Variants in CELSR2 observed in about 807,000 individuals in gnomAD.
CELSR2 encodes the protein EGF-like protein 2.
A neutral mutation model predicts 251.6 loss-of-function variants in CELSR2; 81 were observed. The observed-to-expected ratio is 0.32, with a 90% CI of 0.27 to 0.39. The LOEUF is 0.39. CELSR2 is among the 10% of genes least tolerant of loss of function. The pLI, the probability that CELSR2 is intolerant of heterozygous loss-of-function variation, is 1.00. For synonymous variants in CELSR2, 1,721 were observed against 1,670.5 expected (o/e 1.03, Z -0.74); for missense variants, 3,365 against 3,947.7 (o/e 0.85, Z 3.96).
intron 13 of CELSR2, 82 bp downstream of exon 13, chr1:109,265,393 G>C (rs1157039780): frequency 7.0e-7 from 1 of 1,437,396 alleles, no homozygotes; most frequent in African/African-American, 1.4e-5. Context: ...AGGCTGTAGG[G>C]ATGGGTCTTC....
chr1:109,260,981 G>T (rs1656003885), intron 2 of CELSR2, 61 bp from the exon 3 acceptor site: 2 of 1,320,390 alleles, frequency 1.5e-6, no homozygotes, highest in Admixed American at 1.8e-5. Flanking sequence ...GGTTGTGGGG[G>T]GTCTCAGTTC....
At position 109,261,177 on chromosome 1, in the gene CELSR2, G is replaced by T; in HGVS notation, c.4094G>T (p.Cys1365Phe). 6.2e-7 allele frequency: 1 copy of T among 1,614,172 alleles called. No homozygotes were observed. The highest frequency in any genetic ancestry group is 8.5e-7 in the Non-Finnish European group (1 of 1,180,030). Residue 1365 changes from cysteine to phenylalanine, a missense_variant, in exon 3 of 34, where the codon TGC (cysteine) becomes TTC (phenylalanine). Cys to Phe is a radical substitution (Grantham distance 205). This residue lies in a region of CELSR2 where 2,093 missense variants were observed against 2,382.8 expected (regional missense o/e 0.88). Coordinates refer to ENST00000271332, the MANE Select transcript of CELSR2 (RefSeq NM_001408.3). The surrounding 1 kb of genome is among the most constrained non-coding windows in gnomAD (Gnocchi z 4.8). ...CPSGDFEKPY[C>F]QVTTRSFPAH... ...TCTGGAGACTTCGAGAAGCCCTACT[G>T]CCAGGTGACCACGCGCAGCTTCCCC...
In CELSR2 at chr1:109,267,985, C is replaced by T; in HGVS notation, c.6243C>T (p.Ala2081=). ...ACGTCAAGGTGGCCTACCAGCTGGC[C>T]ACGCGGCTGCTGGCCCACGAGAGCA... ...GSDVKVAYQL[A]TRLLAHESTQ... The change falls in exon 17 of 34, where the codon GCC becomes GCT. Residue 2081 remains alanine, a synonymous_variant. Coordinates refer to ENST00000271332, the MANE Select transcript of CELSR2 (RefSeq NM_001408.3). 1.9e-6 allele frequency: 3 copies of T among 1,610,924 alleles called. No homozygotes were observed. Among genetic ancestry groups the T allele is most frequent in the African/African-American group, 2.7e-5 (2 of 75,046 alleles).
At chr1:109,262,547 C>T (rs572309548) in intron 6 of CELSR2, 103 bp downstream of exon 6, 15 of 1,471,158 alleles carry the variant, frequency 1.0e-5, no homozygotes, top group Middle Eastern at 4.9e-4. Context: ...CCCTTTGCCT[C>T]TCTTAGCCCC....
intron 23 of CELSR2, 35 bp from the exon 24 acceptor site, chr1:109,270,391 C>A (rs776398626): frequency 6.2e-7 from 1 of 1,610,696 alleles, no homozygotes; most frequent in Non-Finnish European, 8.5e-7. Context: ...CTGGGCGGGC[C>A]CCGGTCGCTG....
Position 109,252,020 on chromosome 1 carries a change from C to T in CELSR2, c.1941C>T (p.Ile647=). Residue 647 remains isoleucine, a synonymous_variant, in exon 1 of 34, where the codon ATC becomes ATT. Transcript: ENST00000271332. This position sits in a 1 kb window ranked among gnomAD's most constrained non-coding sequence, Gnocchi z 4.8. The stretch of plus-strand genomic sequence containing the variant: ...CTCATAGTGTCATCACCTACCAGAT[C>T]ACCAGTGGCAATACTCGAAACCGCT... ...RDAHSVITYQ[I]TSGNTRNRFS... is the part of the protein sequence containing the mutation. 4 of 1,614,134 alleles carry T rather than the reference C, an allele frequency of 2.5e-6. No homozygotes were observed. Among genetic ancestry groups the T allele is most frequent in the Non-Finnish European group, 3.4e-6 (4 of 1,180,034 alleles).
At position 109,261,086 on chromosome 1, in the gene CELSR2, G is replaced by T; in HGVS notation, c.4003G>T (p.Gly1335Cys). ...VSARSGRCTP[G>C]VCKNGGTCVN... ...TGCTCGCTCAGGCCGTTGCACCCCG[G>T]GTGTCTGCAAGAATGGGGGCACCTG... The change falls in exon 3 of 34, where the codon GGT becomes TGT. Residue 1335 changes from glycine to cysteine, a missense_variant. Gly to Cys is a radical substitution (Grantham distance 159). Transcript: ENST00000271332. This position sits in a 1 kb window ranked among gnomAD's most constrained non-coding sequence, Gnocchi z 4.8. 1 of 1,614,064 alleles carries T rather than the reference G, an allele frequency of 6.2e-7. No homozygotes were observed. The highest frequency in any genetic ancestry group is 8.5e-7 in the Non-Finnish European group (1 of 1,179,974).
chr1:109,252,711 AGGCTGGAT>A lies in CELSR2; in HGVS notation c.2633_2640del (p.Arg878ThrfsTer36). ...GTCAGGCATCGTGCGAACGCTACGGAGGCTGGATCGAGAGAACGTGGCCCAGTATGTCT... is the reference window on the plus strand; with the variant it reads ...GTCAGGCATCGTGCGAACGCTACGGACGAGAGAACGTGGCCCAGTATGTCT... On this transcript the variant is annotated frameshift_variant, in exon 1 of 34. Coordinates refer to ENST00000271332, the MANE Select transcript of CELSR2 (RefSeq NM_001408.3). LOFTEE classifies it high-confidence loss of function. This position sits in a 1 kb window ranked among gnomAD's most constrained non-coding sequence, Gnocchi z 4.8. The A allele has an allele frequency of 6.2e-7, 1 of 1,614,028 alleles. No individual in the cohort carries two copies. Among genetic ancestry groups the A allele is most frequent in the Non-Finnish European group, 8.5e-7 (1 of 1,180,038 alleles).
rs781038954 is a variant in CELSR2 at position 109,264,929 on chromosome 1, G to C, written c.5526G>C (p.Val1842=). 1 of 1,614,202 alleles carries C rather than the reference G, an allele frequency of 6.2e-7. No individual in the cohort carries two copies. The highest frequency in any genetic ancestry group is 8.5e-7 in the Non-Finnish European group (1 of 1,180,032). ...TGAACCCGTGTGAGCACCAGTCTGT[G>C]TGTACCCGCAAGCCCAGTGCCCCCC... ...CDLNPCEHQS[V]CTRKPSAPHG... Residue 1842 remains valine, a synonymous_variant, in exon 12 of 34, where the codon GTG becomes GTC. Transcript: ENST00000271332.
chr1:109,272,879 G>C lies in CELSR2; in HGVS notation c.8190G>C (p.Gln2730His). ...SDSDLSLEDD[Q>H]SGSYASTHSS... Reference sequence around the variant, plus strand: ...GTGACCTGTCCTTAGAAGACGACCAGAGTGGCTCCTATGCCTCTACCCACT... The same window carrying C: ...GTGACCTGTCCTTAGAAGACGACCACAGTGGCTCCTATGCCTCTACCCACT... Residue 2730 changes from glutamine (Q) to histidine (H), a missense_variant, in exon 31 of 34, where the codon CAG becomes CAC. Gln to His is a conservative substitution (Grantham distance 24). Around this residue, in one of 5 missense-constraint regions of CELSR2, gnomAD observed 2,093 missense variants for 2,382.8 expected, o/e 0.88. Coordinates refer to ENST00000271332, the MANE Select transcript of CELSR2 (RefSeq NM_001408.3). 6.2e-7 allele frequency: 1 copy of C among 1,614,056 alleles called. No homozygotes were observed. Among genetic ancestry groups the C allele is most frequent in the Non-Finnish European group, 8.5e-7 (1 of 1,179,996 alleles).
chr1:109,263,802 C>T lies in CELSR2; in HGVS notation c.5001+25C>T, dbSNP rs1656102692. The T allele has an allele frequency of 1.9e-6, 3 of 1,606,730 alleles. No individual in the cohort carries two copies. In the African/African-American group the frequency reaches 4.0e-5, roughly 21 times the overall value. On this transcript the variant is annotated intron_variant, in intron 9 of 33. Transcript: ENST00000271332. ...GGTGATGCATGGAAGGGCGGCTGGC[C>T]CTGGCCTGGCCATAGGGCCCTGGTA...
chr1:109,259,175 C>A, intron 2 of CELSR2, 96 bp downstream of exon 2: 1 of 1,099,940 alleles, frequency 9.1e-7, no homozygotes. Flanking sequence ...GCCTCATTCT[C>A]TTCCCGAGTG....
At position 109,270,537 on chromosome 1, in the gene CELSR2, G is replaced by A. The variant is rs769442110; in HGVS notation, c.7420G>A (p.Val2474Ile). ...LYRALTEVRD[V>I]NTGPMRFYYM... is the part of the protein sequence containing the mutation. ...CCGGGCACTCACTGAGGTGCGCGAT[G>A]TCAACACCGGCCCCATGCGCTTCTA... Residue 2474 changes from valine (V) to isoleucine (I), a missense_variant, in exon 24 of 34, where the codon GTC (valine) becomes ATC (isoleucine). This residue lies in a region of CELSR2 where 2,093 missense variants were observed against 2,382.8 expected (regional missense o/e 0.88). Transcript: ENST00000271332. 7.4e-6 allele frequency: 12 copies of A among 1,614,074 alleles called. No individual in the cohort carries two copies. The highest frequency in any genetic ancestry group is 1.0e-5 in the Non-Finnish European group (12 of 1,180,040).
rs113260538 is a variant in CELSR2 at position 109,268,000 on chromosome 1, C to A, written c.6258C>A (p.Ala2086=). ...ACCAGCTGGCCACGCGGCTGCTGGC[C>A]CACGAGAGCACCCAGCGGGGCTTTG... ...VAYQLATRLL[A]HESTQRGFGL... is the part of the protein sequence containing the mutation. The change falls in exon 17 of 34, where the codon GCC becomes GCA. Residue 2086 remains alanine, a synonymous_variant. Coordinates refer to ENST00000271332, the MANE Select transcript of CELSR2 (RefSeq NM_001408.3). 5.0e-6 allele frequency: 8 copies of A among 1,610,148 alleles called. No individual in the cohort carries two copies. The highest frequency in any genetic ancestry group is 1.3e-5 in the African/African-American group (1 of 75,044).
chr1:109,270,555 C>G lies in CELSR2; in HGVS notation c.7438C>G (p.Arg2480Gly). The G allele has an allele frequency of 6.2e-7, 1 of 1,614,158 alleles. No individual in the cohort carries two copies. The highest frequency in any genetic ancestry group is 8.5e-7 in the Non-Finnish European group (1 of 1,180,026). ...GCGCGATGTCAACACCGGCCCCATG[C>G]GCTTCTACTACATGCTGGGCTGGGG... Reference protein sequence around the residue: ...EVRDVNTGPMRFYYMLGWGVP... With the variant: ...EVRDVNTGPMGFYYMLGWGVP... Residue 2480 changes from arginine (R) to glycine (G), a missense_variant, in exon 24 of 34, where the codon CGC becomes GGC. This residue lies in a region of CELSR2 where 2,093 missense variants were observed against 2,382.8 expected (regional missense o/e 0.88). Transcript: ENST00000271332.
chr1:109,271,238 C>G lies in CELSR2; in HGVS notation c.7618C>G (p.Leu2540Val), dbSNP rs1026291472. Residue 2540 changes from leucine to valine, a missense_variant, in exon 26 of 34, where the codon CTG (leucine) becomes GTG (valine). Physicochemically the swap from Leu to Val is conservative, Grantham distance 32. Around this residue, in one of 5 missense-constraint regions of CELSR2, gnomAD observed 2,093 missense variants for 2,382.8 expected, o/e 0.88. Coordinates refer to ENST00000271332, the MANE Select transcript of CELSR2 (RefSeq NM_001408.3). ...CTAGATGAGTGTCTTCCTGTACATC[C>G]TGGCGGCCCGGGCCTCCTGTGCTGC... is the stretch of plus-strand genomic sequence containing the variant. ...AVSMSVFLYI[L>V]AARASCAAQR... is the part of the protein sequence containing the mutation. 3 of 1,613,932 alleles carry G rather than the reference C, an allele frequency of 1.9e-6. No homozygotes were observed. In the East Asian group the frequency reaches 6.7e-5, roughly 36 times the overall value.
At chr1:109,267,683 G>A (rs371112753) in intron 16 of CELSR2, 41 bp downstream of exon 16, 92 of 1,606,574 alleles carry the variant, frequency 5.7e-5, no homozygotes, top group African/African-American at 3.1e-4. Context: ...CCTGTCCTTC[G>A]TCCTGAGTCT....
intron 2 of CELSR2, among the ~76,000 whole-genome samples, chr1:109,259,659 C>A (rs1294467554): frequency 6.6e-6 from 1 of 152,106 alleles, no homozygotes; most frequent in African/African-American, 2.4e-5. Flanking sequence ...ACTTTTCTCC[C>A]CAGGCATTAA....
chr1:109,258,746 C>A lies in CELSR2; in HGVS notation c.3625C>A (p.Leu1209Ile). ...GCCCTCTGAGGACCTGCAGGAGCGCCTATACCTCAACCGCAGCCTGCTGAC... is the reference window on the plus strand; with the variant it reads ...GCCCTCTGAGGACCTGCAGGAGCGCATATACCTCAACCGCAGCCTGCTGAC... ...FLPSEDLQERLYLNRSLLTAI... is the reference protein window; with the variant it reads ...FLPSEDLQERIYLNRSLLTAI... The change falls in exon 2 of 34, where the codon CTA becomes ATA. Residue 1209 changes from leucine to isoleucine, a missense_variant. Coordinates refer to ENST00000271332, the MANE Select transcript of CELSR2 (RefSeq NM_001408.3). The A allele has an allele frequency of 6.4e-7, 1 of 1,573,864 alleles. No individual in the cohort carries two copies.
Sources: allele counts gnomAD v4.1 joint callset (sites outside exome capture counted in the v4.1 genomes callset), GRCh38; gene constraint gnomAD v4.1.1; regional missense constraint gnomAD v4.1.1; non-coding constraint Gnocchi (gnomAD v3.1); transcripts MANE v1.5; gene names NCBI Gene and HGNC (gene_info 2026-07-23, HGNC 2026-07-21).